The following CRB1 variants were observed in gnomAD, a reference collection of about 807,000 sequenced individuals.
CRB1 encodes protein crumbs homolog 1.
CRB1 carries 83 observed loss-of-function variants against 120.0 expected under a neutral mutation model. The observed-to-expected ratio is 0.69, with a 90% CI of 0.58 to 0.83. The LOEUF (loss-of-function observed/expected upper bound fraction) is 0.83. CRB1 is among the 40% of genes least tolerant of loss of function. CRB1 has a pLI of 0.00. For missense variants in CRB1, 1,699 were observed against 1,687.6 expected, an observed-to-expected ratio of 1.01 and a Z score of -0.12; for synonymous variants, 625 against 612.5, an observed-to-expected ratio of 1.02 and a Z score of -0.30.
At chr1:197,301,231 C>A (rs1226571833) in intron 1 of CRB1, among the ~76,000 whole-genome samples, 3 of 151,686 alleles carry the variant, frequency 2.0e-5, no homozygotes, top group Non-Finnish European at 4.4e-5. Context: ...AGTGGCGCGA[C>A]CTCGGCTCAC....
At chr1:197,327,105 A>C (rs201157786) in intron 1 of CRB1, among the ~76,000 whole-genome samples, 56,527 of 117,626 alleles carry the variant, frequency 0.48, 14,375 homozygotes, top group East Asian at 0.86. Flanking sequence ...AAAAAAAAAA[A>C]AAAAAAAAAA....
intron 11 of CRB1, 102 bp from the exon 12 acceptor site, chr1:197,477,562 A>T: frequency 9.9e-7 from 1 of 1,005,724 alleles, no homozygotes; most frequent in Non-Finnish European, 1.6e-6. Flanking sequence ...GAGTGGTACC[A>T]GCTTGCTCTG....
At chr1:197,251,040 A>G in the CRB1 span, among the ~76,000 whole-genome samples, 1 of 152,054 alleles carries the variant, frequency 6.6e-6, no homozygotes, top group East Asian at 1.9e-4. Flanking sequence ...ATTGAACAAC[A>G]GAAACACAGA....
At chr1:197,290,116 G>C (rs1156989393) in intron 1 of CRB1, among the ~76,000 whole-genome samples, 1 of 151,506 alleles carries the variant, frequency 6.6e-6, no homozygotes, top group South Asian at 2.1e-4. Flanking sequence ...CTTTCTTCAA[G>C]AGGTTTTTAA....
At chr1:197,259,875 C>T in the CRB1 span, among the ~76,000 whole-genome samples, 2 of 151,716 alleles carry the variant, frequency 1.3e-5, no homozygotes, top group South Asian at 2.1e-4. Context: ...TCAGGCCGGG[C>T]ATGGTGGCTC....
intron 5 of CRB1, among the ~76,000 whole-genome samples, chr1:197,381,418 T>C (rs1017073796): frequency 1.3e-5 from 2 of 152,238 alleles, no homozygotes; most frequent in South Asian, 4.1e-4. Flanking sequence ...TCATCAAACA[T>C]AGAATTCTCC....
chr1:197,227,069 A>G, the CRB1 span, among the ~76,000 whole-genome samples: 1 of 152,162 alleles, frequency 6.6e-6, no homozygotes, highest in Non-Finnish European at 1.5e-5. Flanking sequence ...AAACCATATC[A>G]TTCCATCCTT....
At chr1:197,316,080 C>T (rs552345844) in intron 1 of CRB1, among the ~76,000 whole-genome samples, 7 of 152,318 alleles carry the variant, frequency 4.6e-5, no homozygotes, top group African/African-American at 1.7e-4. Context: ...TTAAGATCTT[C>T]ACTAGGGGAC....
rs534108312 is a variant in CRB1 at position 197,429,487 on chromosome 1, G to A, written c.2715G>A (p.Arg905=). 410 of 1,614,004 alleles carry A rather than the reference G, an allele frequency of 2.5e-4. 4 individuals are homozygous for A. The South Asian group carries it at 4.2e-3, about 16-fold the overall frequency. ...ACAATGGAGGTGTTTGCCATTCCCGGTGGGATGACTTCTCCTGTTCCTGTC... is the reference window on the plus strand; with the variant it reads ...ACAATGGAGGTGTTTGCCATTCCCGATGGGATGACTTCTCCTGTTCCTGTC... ...PCHNGGVCHS[R]WDDFSCSCPA... The change falls in exon 8 of 12, where the codon CGG becomes CGA. Residue 905 remains arginine, a synonymous_variant. Transcript: ENST00000367400.
chr1:197,432,357 AACACACACACACAC>A lies in CRB1; in HGVS notation c.2843-2315_2843-2302del, dbSNP rs35921087. Among the ~76,000 whole-genome samples, 745 of 139,844 alleles carry A rather than the reference AACACACACACACAC, an allele frequency of 5.3e-3. 7 individuals are homozygous for A. The highest frequency in any genetic ancestry group is 0.018 in the African/African-American group (661 of 37,242). 91.7% of individuals were successfully genotyped at this position (139,844 alleles called of 152,430 possible). A position where few individuals can be genotyped will look rare whatever the true frequency, so the allele number is the denominator to read the frequency against. Reference sequence around the variant, plus strand: ...AATTCCCAACTCCAAACCTGGTTGAAACACACACACACACACACACACACACACACACACACACA... The same window carrying A: ...AATTCCCAACTCCAAACCTGGTTGAAACACACACACACACACACACACACA... On this transcript the variant is annotated intron_variant, in intron 8 of 11. Transcript: ENST00000367400.
At chr1:197,280,919 C>T (rs145460950) in intron 1 of CRB1, among the ~76,000 whole-genome samples, 1 of 151,796 alleles carries the variant, frequency 6.6e-6, no homozygotes, top group East Asian at 2.0e-4. Flanking sequence ...TGTATGACAT[C>T]GGATTAAAAA....
intron 11 of CRB1, among the ~76,000 whole-genome samples, chr1:197,449,976 G>A (rs1214804193): frequency 2.0e-5 from 3 of 152,112 alleles, no homozygotes; most frequent in Non-Finnish European, 2.9e-5. Context: ...GATTGCAAAC[G>A]TCTCTCCTAG....
the CRB1 span, among the ~76,000 whole-genome samples, chr1:197,233,758 T>C: frequency 5.3e-5 from 8 of 152,360 alleles, no homozygotes; most frequent in East Asian, 1.4e-3. Flanking sequence ...CCTCTACTTT[T>C]GAGCCACGAC....
intron 1 of CRB1, among the ~76,000 whole-genome samples, chr1:197,309,452 C>T (rs1004837862): frequency 1.3e-5 from 2 of 152,060 alleles, no homozygotes; most frequent in Non-Finnish European, 1.5e-5. Flanking sequence ...CACTGGAATC[C>T]ACATATTTAG....
At chr1:197,386,300 AT>A (rs1662215294) in intron 5 of CRB1, among the ~76,000 whole-genome samples, 1 of 152,158 alleles carries the variant, frequency 6.6e-6, no homozygotes, top group African/African-American at 2.4e-5. Flanking sequence ...ACCCTGGCAC[AT>A]AGTAAGAGCT....
In CRB1 at chr1:197,477,898, A is replaced by C; in HGVS notation, c.*19A>C. 1 of 1,609,634 alleles carries C rather than the reference A, an allele frequency of 6.2e-7. No individual in the cohort carries two copies. Among genetic ancestry groups the C allele is most frequent in the Non-Finnish European group, 8.5e-7 (1 of 1,176,100 alleles). ...GATTTAGGAGCATTGTGTCCCTTCG[A>C]GATGGGGATCCACACACTGTGAATG... is the stretch of plus-strand genomic sequence containing the variant. On this transcript the variant is annotated 3_prime_UTR_variant, in exon 12 of 12. Coordinates refer to ENST00000367400, the MANE Select transcript of CRB1 (RefSeq NM_201253.3).
chr1:197,221,368 G>A, the CRB1 span, among the ~76,000 whole-genome samples: 2 of 152,130 alleles, frequency 1.3e-5, no homozygotes, highest in Non-Finnish European at 2.9e-5. Flanking sequence ...AATATTGTAG[G>A]ATGAGTTCAG....
intron 1 of CRB1, among the ~76,000 whole-genome samples, chr1:197,313,927 G>T (rs1013560644): frequency 1.7e-4 from 26 of 152,266 alleles, no homozygotes; most frequent in South Asian, 6.2e-4. Context: ...TTTTGAGTTA[G>T]TATTTGTAGG....
chr1:197,375,074 A>G (rs1249712433), intron 5 of CRB1, among the ~76,000 whole-genome samples: 2 of 151,954 alleles, frequency 1.3e-5, no homozygotes, highest in Non-Finnish European at 2.9e-5. Flanking sequence ...GGCTCTTAAC[A>G]TTTTTCTTCC....
Sources: gnomAD v4.1 joint callset for allele counts (sites outside exome capture counted in the v4.1 genomes callset) on GRCh38, gnomAD v4.1.1 for gene constraint, MANE v1.5 for transcripts, NCBI Gene and HGNC (gene_info 2026-07-23, HGNC 2026-07-21) for gene names.